GAD1: variants seen among roughly 807,000 people sequenced by gnomAD.
The protein encoded by GAD1 is glutamate decarboxylase 1, also known as 67 kDa glutamic acid decarboxylase.
Under a neutral mutation model 75.2 loss-of-function variants are expected in GAD1, and 35 were observed. The observed-to-expected ratio is 0.47, with a 90% confidence interval of 0.36 to 0.62. The LOEUF is 0.62. Among genes scored for constraint, GAD1 ranks in the 20% least tolerant of loss-of-function variants. The probability of loss-of-function intolerance (pLI) is 0.00; values close to 1 mark genes in which losing one functional copy is unlikely to be tolerated. For missense variants in GAD1, 490 were observed against 758.5 expected, an observed-to-expected ratio of 0.65 and a Z score of 4.16; for synonymous variants, 257 against 271.9, an observed-to-expected ratio of 0.95 and a Z score of 0.54.
Position 170,818,626 on chromosome 2 carries a change from C to T in GAD1, c.35C>T (p.Ser12Phe), listed in dbSNP as rs121918345. ...TCGACCCCATCTTCGTCCGCAACCTCCTCGAACGCGGGAGCGGACCCCAAT... is the reference window on the plus strand; with the variant it reads ...TCGACCCCATCTTCGTCCGCAACCTTCTCGAACGCGGGAGCGGACCCCAAT... ...ASSTPSSSAT[S>F]SNAGADPNTT... The change falls in exon 2 of 17, where the codon TCC becomes TTC. Residue 12 changes from serine (S) to phenylalanine (F), a missense_variant. Physicochemically the swap from Ser to Phe is radical, Grantham distance 155. Coordinates refer to ENST00000358196, the MANE Select transcript of GAD1 (RefSeq NM_000817.3). This position sits in a 1 kb window ranked among gnomAD's most constrained non-coding sequence, Gnocchi z 5.9. 1.2e-6 allele frequency: 2 copies of T among 1,614,194 alleles called. No homozygotes were observed. Among genetic ancestry groups the T allele is most frequent in the African/African-American group, 1.3e-5 (1 of 75,054 alleles).
intron 14 of GAD1, among the ~76,000 whole-genome samples, chr2:170,854,704 C>T (rs1293051280): frequency 6.6e-6 from 1 of 152,138 alleles, no homozygotes; most frequent in East Asian, 1.9e-4. Flanking sequence ...CGCGCCCGGC[C>T]CCTTGAATTC....
intron 5 of GAD1, among the ~76,000 whole-genome samples, chr2:170,835,286 C>T (rs926332166): frequency 1.3e-5 from 2 of 152,172 alleles, no homozygotes; most frequent in Non-Finnish European, 2.9e-5. Flanking sequence ...GTCTCCTAAT[C>T]AAGAGATCTC....
chr2:170,842,018 G>A lies in GAD1; in HGVS notation c.639-2027G>A, dbSNP rs190043376. On this transcript the variant is annotated intron_variant, in intron 6 of 16. Transcript: ENST00000358196. The stretch of plus-strand genomic sequence containing the variant: ...AACTGAAAGAAAGTTTAGGAATCAG[G>A]TACCTGGCATAGATAAGGAACCTGA... Among the ~76,000 whole-genome samples the A allele has an allele frequency of 2.0e-5, 3 of 152,286 alleles. No homozygotes were observed. The East Asian group carries it at 5.8e-4, about 29-fold the overall frequency.
intron 4 of GAD1, among the ~76,000 whole-genome samples, chr2:170,830,380 T>C (rs1702189997): frequency 6.6e-6 from 1 of 152,210 alleles, no homozygotes; most frequent in Admixed American, 6.5e-5. Flanking sequence ...CCTCTGGATA[T>C]CTCAAAGTCC....
chr2:170,827,782 C>T (rs2105768625), intron 3 of GAD1, among the ~76,000 whole-genome samples: 1 of 152,276 alleles, frequency 6.6e-6, no homozygotes, highest in Non-Finnish European at 1.5e-5. Context: ...AGTCCCCAAT[C>T]CTAGATGCTT....
chr2:170,834,436 T>A (rs1702318396), intron 5 of GAD1, among the ~76,000 whole-genome samples: 1 of 146,190 alleles, frequency 6.8e-6, no homozygotes, highest in African/African-American at 2.5e-5. Flanking sequence ...ATTTAGAAAT[T>A]TCTCTATAAA....
intron 3 of GAD1, among the ~76,000 whole-genome samples, chr2:170,822,397 C>T (rs1164814358): frequency 6.6e-6 from 1 of 152,238 alleles, no homozygotes; most frequent in African/African-American, 2.4e-5. Context: ...GTGGAGCGAA[C>T]GCCGGGTGCC....
At chr2:170,814,175 C>G (rs1701657126), upstream of GAD1, among the ~76,000 whole-genome samples, 1 of 152,176 alleles carries the variant, frequency 6.6e-6, no homozygotes, top group African/African-American at 2.4e-5. Context: ...ACAACCACGG[C>G]CACTCTTAGT....
At chr2:170,849,708 T>G (rs974723670) in intron 12 of GAD1, among the ~76,000 whole-genome samples, 29 of 152,138 alleles carry the variant, frequency 1.9e-4, no homozygotes, top group African/African-American at 6.3e-4. Context: ...AATCAATCAA[T>G]CAATGAGAAA....
intron 6 of GAD1, among the ~76,000 whole-genome samples, chr2:170,840,349 A>C (rs1260267781): frequency 6.6e-6 from 1 of 152,194 alleles, no homozygotes; most frequent in African/African-American, 2.4e-5. Context: ...CCCCTCAGCT[A>C]TGTTACCTTT....
chr2:170,821,309 C>T (rs1302717996), intron 2 of GAD1, among the ~76,000 whole-genome samples: 1 of 152,088 alleles, frequency 6.6e-6, no homozygotes. Flanking sequence ...TGAGAACAGC[C>T]TGGAAAAGAA....
chr2:170,843,833 C>T (rs138422432), intron 6 of GAD1: 4 of 563,874 alleles, frequency 7.1e-6, no homozygotes, highest in South Asian at 2.0e-5. Flanking sequence ...ACAGGGCTGG[C>T]ACTTCCACCA....
At chr2:170,820,280 G>A (rs1290474700) in intron 2 of GAD1, among the ~76,000 whole-genome samples, 1 of 152,220 alleles carries the variant, frequency 6.6e-6, no homozygotes, top group African/African-American at 2.4e-5. Context: ...CAAGTCACCG[G>A]TAGGAGACAC....
At chr2:170,819,418 AAG>A (rs1248572403) in intron 2 of GAD1, among the ~76,000 whole-genome samples, 2 of 152,076 alleles carry the variant, frequency 1.3e-5, no homozygotes, top group Non-Finnish European at 2.9e-5. Context: ...TATCCCAGGC[AAG>A]AGATCTGTCA....
rs778338137 is a variant in GAD1 at position 170,847,672 on chromosome 2, G to C, written c.1003-4G>C. The C allele has an allele frequency of 1.3e-6, 2 of 1,590,832 alleles. No individual in the cohort carries two copies. Among genetic ancestry groups the C allele is most frequent in the South Asian group, 2.2e-5 (2 of 90,606 alleles). Reference sequence around the variant, plus strand: ...CATCAGCCTATATCTGTCTTACCTTGTAGGGATATGTTCCCTTTTATGTCA... The same window carrying C: ...CATCAGCCTATATCTGTCTTACCTTCTAGGGATATGTTCCCTTTTATGTCA... On this transcript the variant is annotated splice_region_variant and splice_polypyrimidine_tract_variant and intron_variant, in intron 10 of 16. Coordinates refer to ENST00000358196, the MANE Select transcript of GAD1 (RefSeq NM_000817.3).
chr2:170,820,808 G>C (rs1233518583), intron 2 of GAD1, among the ~76,000 whole-genome samples: 2 of 152,158 alleles, frequency 1.3e-5, no homozygotes, highest in African/African-American at 4.8e-5. Context: ...TAACCTCTCT[G>C]AGCCTCGATG....
At chr2:170,819,522 GCTC>G (rs894411669) in intron 2 of GAD1, among the ~76,000 whole-genome samples, 2 of 152,036 alleles carry the variant, frequency 1.3e-5, no homozygotes, top group Non-Finnish European at 2.9e-5. Context: ...AGTGCGACAG[GCTC>G]CTCAACCCAT....
intron 11 of GAD1, 35 bp from the exon 12 acceptor site, chr2:170,849,251 G>A: frequency 6.3e-7 from 1 of 1,588,156 alleles, no homozygotes; most frequent in Non-Finnish European, 8.6e-7. Flanking sequence ...AAATGTCACT[G>A]CTCCCCTCTT....
At chr2:170,850,985 G>A (rs536591436) in intron 12 of GAD1, among the ~76,000 whole-genome samples, 96 of 151,346 alleles carry the variant, frequency 6.3e-4, no homozygotes, top group African/African-American at 2.1e-3. Context: ...CTGCACTCCC[G>A]CCTGAGTGAC....
Sources: allele counts gnomAD v4.1 joint callset (sites outside exome capture counted in the v4.1 genomes callset), GRCh38; gene constraint gnomAD v4.1.1; non-coding constraint Gnocchi (gnomAD v3.1); transcripts MANE v1.5; gene names NCBI Gene and HGNC (gene_info 2026-07-23, HGNC 2026-07-21).